The following C5orf58 variants were observed in gnomAD, a reference collection of about 807,000 sequenced individuals.
C5orf58 encodes chromosome 5 open reading frame 58.
In C5orf58, 2 loss-of-function variants were observed where a neutral mutation model predicts 2.9. The ratio of observed to expected loss-of-function variants is 0.69; its 90% CI spans 0.28 to 2.18. The LOEUF (loss-of-function observed/expected upper bound fraction) is 2.18, where lower values mean the gene tolerates loss of function less well. C5orf58 is among the 30% of genes most tolerant of loss of function. The pLI is 0.13. For missense variants in C5orf58, 96 were observed against 91.7 expected, an observed-to-expected ratio of 1.05 and a Z score of -0.19; for synonymous variants, 37 against 33.4, an observed-to-expected ratio of 1.11 and a Z score of -0.37.
At chr5:170,243,563 G>T (rs1761114906) in intron 3 of C5orf58, among the ~76,000 whole-genome samples, 1 of 151,764 alleles carries the variant, frequency 6.6e-6, no homozygotes, top group Admixed American at 6.6e-5. Context: ...GATCTTTGTT[G>T]GTTTAAAGTC....
intron 3 of C5orf58, among the ~76,000 whole-genome samples, chr5:170,236,563 G>A (rs1024751599): frequency 2.0e-5 from 3 of 152,170 alleles, no homozygotes; most frequent in Non-Finnish European, 2.9e-5. Context: ...ATTGTCCTCA[G>A]GATAAAGTCT....
chr5:170,251,496 A>G (rs1220248907), intron 2 of C5orf58: 3 of 266,028 alleles, frequency 1.1e-5, no homozygotes, highest in African/African-American at 4.4e-5. Flanking sequence ...TTATTGCTAC[A>G]TAATATTAAT....
At chr5:170,242,799 T>G (rs1761076587) in intron 3 of C5orf58, among the ~76,000 whole-genome samples, 1 of 151,908 alleles carries the variant, frequency 6.6e-6, no homozygotes. Context: ...CTGATTTTAG[T>G]TATTTCTTGC....
chr5:170,251,288 T>G (rs1761436060), intron 2 of C5orf58: 1 of 192,374 alleles, frequency 5.2e-6, no homozygotes, highest in Non-Finnish European at 1.1e-5. Context: ...TAAACTTTCT[T>G]TTCCACATCC....
chr5:170,237,200 A>T, intron 3 of C5orf58: 1 of 398,094 alleles, frequency 2.5e-6, no homozygotes, highest in Non-Finnish European at 4.4e-6. Flanking sequence ...CTACGCTAGG[A>T]AGGTAGACTT....
intron 1 of C5orf58, 42 bp from the exon 2 acceptor site, chr5:170,234,073 G>C (rs1317737334): frequency 1.6e-6 from 2 of 1,228,698 alleles, no homozygotes; most frequent in East Asian, 4.7e-5. Context: ...CTTGGGGGTA[G>C]ATGCAAAGCG....
At chr5:170,244,761 A>G (rs2113126906) in intron 3 of C5orf58, among the ~76,000 whole-genome samples, 1 of 152,306 alleles carries the variant, frequency 6.6e-6, no homozygotes, top group East Asian at 1.9e-4. Context: ...TGATCGTCTG[A>G]AGCCTTCTTC....
intron 3 of C5orf58, among the ~76,000 whole-genome samples, chr5:170,240,078 A>G (rs1376090840): frequency 6.9e-4 from 104 of 150,316 alleles, no homozygotes; most frequent in African/African-American, 2.3e-3. Flanking sequence ...TTCCAATTTC[A>G]TCCATGTCCC....
At chr5:170,239,209 G>T (rs916069041) in intron 3 of C5orf58, among the ~76,000 whole-genome samples, 5 of 152,174 alleles carry the variant, frequency 3.3e-5, no homozygotes, top group Non-Finnish European at 7.3e-5. Flanking sequence ...ACCTCTGGTG[G>T]GTTGCGTGCA....
At chr5:170,234,917 T>C in intron 2 of C5orf58, 60 bp from the exon 3 acceptor site, 3 of 680,856 alleles carry the variant, frequency 4.4e-6, no homozygotes, top group African/African-American at 3.8e-5. Context: ...AATGTAAGTA[T>C]TTTAAAAGTA....
In C5orf58 at chr5:170,235,062, A is replaced by G. The variant is rs372397629; in HGVS notation, c.86A>G (p.Lys29Arg). 26 of 1,439,098 alleles carry G rather than the reference A, an allele frequency of 1.8e-5. No individual in the cohort carries two copies. The African/African-American group carries it at 3.6e-4, about 20-fold the overall frequency. 89.1% of individuals were successfully genotyped at this position (1,439,098 alleles called of 1,614,324 possible). A position where few individuals can be genotyped will look rare whatever the true frequency, so the allele number is the denominator to read the frequency against. Residue 29 changes from lysine (K) to arginine (R), a missense_variant, in exon 3 of 4, where the codon AAG (lysine) becomes AGG (arginine). By Grantham distance (26) the Lys-to-Arg change is conservative. Transcript: ENST00000593851. ...NINTISSELKKIKELSQLLLC... is the reference protein window; with the variant it reads ...NINTISSELKRIKELSQLLLC... ...AACACAATTTCTTCGGAGTTGAAGA[A>G]GATAAAAGGTAAGTATTGAATCACT... is the stretch of plus-strand genomic sequence containing the variant.
intron 1 of C5orf58, 80 bp downstream of exon 1, chr5:170,233,087 C>T (rs1163959037): frequency 1.5e-5 from 9 of 619,902 alleles, no homozygotes; most frequent in Middle Eastern, 8.1e-4. Context: ...TTCCAGGCTG[C>T]CCGAGGCTCC....
chr5:170,243,628 T>C (rs1345296251), intron 3 of C5orf58, among the ~76,000 whole-genome samples: 3 of 149,892 alleles, frequency 2.0e-5, no homozygotes, highest in Non-Finnish European at 3.0e-5. Context: ...TTCCATTTGC[T>C]TGGTAGATCT....
At chr5:170,245,064 T>TG (rs371583863) in intron 3 of C5orf58, among the ~76,000 whole-genome samples, 64,878 of 152,022 alleles carry the variant, frequency 0.43, 14,608 homozygotes, top group Non-Finnish European at 0.5. Context: ...GTGCCCCTGC[T>TG]GGGGGGTGCC....
chr5:170,233,955 A>T, intron 1 of C5orf58, 160 bp from the exon 2 acceptor site: 1 of 377,612 alleles, frequency 2.6e-6, no homozygotes, highest in African/African-American at 2.1e-5. Flanking sequence ...AAGTTCTTTA[A>T]TTCCACCACT....
At chr5:170,243,919 G>A (rs1371887109) in intron 3 of C5orf58, among the ~76,000 whole-genome samples, 1 of 144,778 alleles carries the variant, frequency 6.9e-6, no homozygotes, top group South Asian at 2.3e-4. Context: ...GCTGGTACCA[G>A]TTGTTCCTTT....
chr5:170,241,384 C>T (rs1267805259), intron 3 of C5orf58, among the ~76,000 whole-genome samples: 39 of 151,120 alleles, frequency 2.6e-4, no homozygotes, highest in Non-Finnish European at 5.0e-4. Flanking sequence ...GCCATTTTCA[C>T]GATATTGATT....
intron 1 of C5orf58, chr5:170,233,387 G>T (rs1233883882): frequency 2.0e-5 from 3 of 152,254 alleles, no homozygotes; most frequent in African/African-American, 7.2e-5. Context: ...GGGTGGTTGG[G>T]CCGCTCATGG....
downstream of C5orf58, chr5:170,248,940 A>T: frequency 1.0e-6 from 1 of 965,588 alleles, no homozygotes; most frequent in Non-Finnish European, 1.5e-6. Flanking sequence ...TGTGGGGGGA[A>T]AAAATGTAAA....
Sources: allele counts gnomAD v4.1 joint callset (sites outside exome capture counted in the v4.1 genomes callset), GRCh38; gene constraint gnomAD v4.1.1; transcripts MANE v1.5; gene names NCBI Gene and HGNC (gene_info 2026-07-23, HGNC 2026-07-21).